LIPF: variants seen among roughly 807,000 people sequenced by gnomAD.
LIPF encodes lipase F, gastric type, also known as gastric triacylglycerol lipase.
In LIPF, 25 loss-of-function variants were observed where a neutral mutation model predicts 38.0. The observed-to-expected ratio is 0.66, with a 90% CI of 0.48 to 0.92. LIPF has a LOEUF of 0.92. Ranked by LOEUF, LIPF falls within the 40% of genes least tolerant of loss-of-function variation. The pLI is 0.00. For synonymous variants in LIPF, 161 were observed against 156.2 expected (o/e 1.03, Z -0.23); for missense variants, 410 against 469.9 (o/e 0.87, Z 1.18).
intron 1 of LIPF, 79 bp downstream of exon 1, chr10:88,664,570 A>G (rs1207234244): frequency 1.3e-5 from 2 of 152,642 alleles, no homozygotes; most frequent in East Asian, 3.8e-4. Context: ...GCATTTTTAA[A>G]GGCTTAGATA....
At chr10:88,665,737 A>ATTTTTTTTTTTTTTTTTTTTTTTTTT (rs68081693) in intron 1 of LIPF, among the ~76,000 whole-genome samples, 6 of 100,218 alleles carry the variant, frequency 6.0e-5, no homozygotes, top group Admixed American at 1.2e-4. Flanking sequence ...TTAAAAACTG[A>ATTTTTTTTTTTTTTTTTTTTTTTTTT]TTTTTTTTTT....
chr10:88,677,170 C>A (rs1564961778), intron 9 of LIPF, among the ~76,000 whole-genome samples: 1 of 151,544 alleles, frequency 6.6e-6, no homozygotes, highest in Non-Finnish European at 1.5e-5. Context: ...AGAGAAGGTG[C>A]CCCCCAACCT....
At position 88,675,504 on chromosome 10, in the gene LIPF, G is replaced by C. The variant is rs1289219272; in HGVS notation, c.817-82G>C. 1.3e-5 allele frequency: 14 copies of C among 1,051,142 alleles called. No individual in the cohort carries two copies. The East Asian group carries it at 3.2e-4, about 24-fold the overall frequency. 65.1% of individuals were successfully genotyped at this position (1,051,142 alleles called of 1,614,324 possible). A position where few individuals can be genotyped will look rare whatever the true frequency, so the allele number is the denominator to read the frequency against. The stretch of plus-strand genomic sequence containing the variant: ...ACCTTTAAACACTTGACCTGAATCA[G>C]AAAACATAAATCTTTACTGTTTTTA... On this transcript the variant is annotated intron_variant, in intron 7 of 9. Coordinates refer to ENST00000238983, the MANE Select transcript of LIPF (RefSeq NM_004190.4).
chr10:88,666,481 C>G (rs17286986), intron 1 of LIPF, among the ~76,000 whole-genome samples: 441 of 152,246 alleles, frequency 2.9e-3, no homozygotes, highest in African/African-American at 0.01. Flanking sequence ...TTTTCACCAG[C>G]TTAATATCTG....
At chr10:88,674,272 C>T (rs1434121650) in intron 7 of LIPF, among the ~76,000 whole-genome samples, 2 of 152,250 alleles carry the variant, frequency 1.3e-5, no homozygotes, top group East Asian at 1.9e-4. Flanking sequence ...GGGTTCACGC[C>T]ATTCTCCTGC....
chr10:88,665,737 ATT>A (rs68081693), intron 1 of LIPF, among the ~76,000 whole-genome samples: 66 of 100,218 alleles, frequency 6.6e-4, no homozygotes, highest in African/African-American at 1.7e-3. Context: ...TTAAAAACTG[ATT>A]TTTTTTTTTT....
At chr10:88,668,785 C>T in intron 4 of LIPF, 29 bp downstream of exon 4, 1 of 1,590,358 alleles carries the variant, frequency 6.3e-7, no homozygotes, top group Non-Finnish European at 8.6e-7. Context: ...TAAAAATAAA[C>T]ACTGGGCTTT....
At chr10:88,668,826 A>T in intron 4 of LIPF, 70 bp downstream of exon 4, 2 of 1,310,318 alleles carry the variant, frequency 1.5e-6, no homozygotes. Context: ...CTTCTAATCC[A>T]GTCCCATTTT....
intron 7 of LIPF, among the ~76,000 whole-genome samples, chr10:88,675,151 G>C (rs1841666738): frequency 6.6e-6 from 1 of 152,168 alleles, no homozygotes; most frequent in African/African-American, 2.4e-5. Flanking sequence ...ACTGGAGAAA[G>C]GAACTTCAGT....
At chr10:88,676,108 A>G (rs1181834255) in intron 8 of LIPF, 101 bp from the exon 9 acceptor site, 2 of 655,268 alleles carry the variant, frequency 3.1e-6, no homozygotes, top group South Asian at 5.1e-5. Context: ...ATGTTTCTTA[A>G]TAATTGTTTA....
chr10:88,676,112 T>C lies in LIPF; in HGVS notation c.889-97T>C, dbSNP rs1426481661. 6.0e-6 allele frequency: 4 copies of C among 664,106 alleles called. No individual in the cohort carries two copies. In the East Asian group the frequency reaches 1.2e-4, roughly 20 times the overall value. The allele number at this position is 664,106 out of a possible 1,614,324, so 41.1% of individuals were successfully genotyped here. ...GAATGAGAAAAATGTTTCTTAATAA[T>C]TGTTTAAATTGAAAATAAACTGCTT... On this transcript the variant is annotated intron_variant, in intron 8 of 9. Coordinates refer to ENST00000238983, the MANE Select transcript of LIPF (RefSeq NM_004190.4).
chr10:88,667,252 G>C, intron 1 of LIPF, 35 bp from the exon 2 acceptor site: 1 of 1,177,632 alleles, frequency 8.5e-7, no homozygotes, highest in Non-Finnish European at 1.3e-6. Context: ...AAGTATAATG[G>C]ATTAACCATG....
intron 1 of LIPF, among the ~76,000 whole-genome samples, chr10:88,667,062 A>C (rs1841522442): frequency 6.6e-6 from 1 of 152,196 alleles, no homozygotes; most frequent in Non-Finnish European, 1.5e-5. Context: ...GGAATCAAAC[A>C]GTGAAAACAA....
intron 7 of LIPF, among the ~76,000 whole-genome samples, chr10:88,675,092 G>A (rs188026828): frequency 2.5e-4 from 38 of 152,320 alleles, no homozygotes; most frequent in Non-Finnish European, 4.6e-4. Context: ...TATGGCCACA[G>A]TCCGCTATAT....
At chr10:88,671,155 TG>T in intron 5 of LIPF, among the ~76,000 whole-genome samples, 1 of 152,232 alleles carries the variant, frequency 6.6e-6, no homozygotes, top group East Asian at 1.9e-4. Flanking sequence ...CATTACTGAA[TG>T]TATTTACTAT....
rs6586145 is a variant in LIPF at position 88,673,588 on chromosome 10, T to A, written c.670T>A (p.Phe224Ile). The A allele has an allele frequency of 0.089, 142,913 of 1,605,526 alleles. 7,715 individuals are homozygous for A. Among genetic ancestry groups the A allele is most frequent in the African/African-American group, 0.25 (18,561 of 74,492 alleles). The change falls in exon 7 of 10, where the codon TTT becomes ATT. Residue 224 changes from phenylalanine (F) to isoleucine (I), a missense_variant and splice_region_variant. Physicochemically the swap from Phe to Ile is conservative, Grantham distance 21. Coordinates refer to ENST00000238983, the MANE Select transcript of LIPF (RefSeq NM_004190.4). ...LRFVPQSLFK[F>I]IFGDKIFYPH... ...CTCTAATAGTGCCTTTATTTTTCAG[T>A]TTATATTTGGTGACAAAATATTCTA... is the stretch of plus-strand genomic sequence containing the variant.
chr10:88,669,906 G>T lies in LIPF; in HGVS notation c.492G>T (p.Lys164Asn), dbSNP rs148704854. Residue 164 changes from lysine to asparagine, a missense_variant, in exon 5 of 10, where the codon AAG becomes AAT. Transcript: ENST00000238983. ...IDFIVKKTGQ[K>N]QLHYVGHSQG... ...TCATTGTAAAGAAAACTGGACAGAA[G>T]CAGCTACACTATGTTGGCCATTCCC... is the stretch of plus-strand genomic sequence containing the variant. The T allele has an allele frequency of 3.1e-6, 5 of 1,613,460 alleles. No homozygotes were observed. In the East Asian group the frequency reaches 1.1e-4, roughly 36 times the overall value.
Position 88,673,748 on chromosome 10 carries a change from T to A in LIPF, c.816+14T>A. 6.3e-7 allele frequency: 1 copy of A among 1,597,788 alleles called. No homozygotes were observed. The highest frequency in any genetic ancestry group is 1.1e-5 in the South Asian group (1 of 88,468). On this transcript the variant is annotated intron_variant, in intron 7 of 9. Coordinates refer to ENST00000238983, the MANE Select transcript of LIPF (RefSeq NM_004190.4). Reference sequence around the variant, plus strand: ...AACTTTAACACGGTTAGTATGCATTTCAATTTCTATATTTTGAGCAACATC... The same window carrying A: ...AACTTTAACACGGTTAGTATGCATTACAATTTCTATATTTTGAGCAACATC...
At position 88,669,133 on chromosome 10, in the gene LIPF, G is replaced by A. The variant is rs114747698; in HGVS notation, c.422+377G>A. ...CAATCTGAATCATCATCAATAGGAG[G>A]GGTGGGGAGAGTGAAATTCAGATAT... On this transcript the variant is annotated intron_variant, in intron 4 of 9. Coordinates refer to ENST00000238983, the MANE Select transcript of LIPF (RefSeq NM_004190.4). 152 of 180,052 alleles carry A rather than the reference G, an allele frequency of 8.4e-4. 2 individuals are homozygous for A. The highest frequency in any genetic ancestry group is 3.3e-3 in the African/African-American group (139 of 42,480). The allele number at this position is 180,052 out of a possible 1,614,324, so 11.2% of individuals were successfully genotyped here.
Sources: gnomAD v4.1 joint callset for allele counts (sites outside exome capture counted in the v4.1 genomes callset) on GRCh38, gnomAD v4.1.1 for gene constraint, MANE v1.5 for transcripts, NCBI Gene and HGNC (gene_info 2026-07-23, HGNC 2026-07-21) for gene names.